Variants in PDE4DIP observed in about 807,000 individuals in gnomAD.
PDE4DIP encodes the protein phosphodiesterase 4D interacting protein, also known as myomegalin.
Under a neutral mutation model 221.4 loss-of-function variants are expected in PDE4DIP, and 59 were observed. The ratio of observed to expected loss-of-function variants is 0.27; its 90% CI spans 0.22 to 0.33. The LOEUF (loss-of-function observed/expected upper bound fraction) is 0.33. Ranked by LOEUF, PDE4DIP falls within the 10% of genes least tolerant of loss-of-function variation. PDE4DIP has a pLI of 1.00. For missense variants in PDE4DIP, 1,036 were observed against 2,154.2 expected (o/e 0.48, Z 10.28); for synonymous variants, 404 against 815.9 (o/e 0.50, Z 8.60).
chr1:148,960,246 A>C (rs6674914), intron 5 of PDE4DIP, among the ~76,000 whole-genome samples: 715 of 151,828 alleles, frequency 4.7e-3, no homozygotes, highest in African/African-American at 0.016. Flanking sequence ...AGGTAGCCGG[A>C]ATGTAACTTC....
exon 14 of PDE4DIP, chr1:148,968,991 C>T (rs1553521700): frequency 1.9e-6 from 3 of 1,608,316 alleles, no homozygotes; most frequent in Non-Finnish European, 2.6e-6. Flanking sequence ...AGATTCAAGG[C>T]CTGCTTCAGT....
chr1:149,029,685 T>C, intron 41 of PDE4DIP, 102 bp from the exon 45 acceptor site: 1 of 763,808 alleles, frequency 1.3e-6, no homozygotes, highest in Non-Finnish European at 2.2e-6. Flanking sequence ...TCAAGAGAGT[T>C]GAGAAGACTG....
chr1:148,919,968 C>CAAT (rs2045148118), intron 1 of PDE4DIP, among the ~76,000 whole-genome samples: 1 of 134,124 alleles, frequency 7.5e-6, no homozygotes, highest in African/African-American at 3.1e-5. Context: ...CTTAACACAA[C>CAAT]TCTGATTACA....
rs1477252391 is a variant in PDE4DIP, at chr1:149,029,784, C to T, written c.6814-3C>T. On this transcript the variant is annotated splice_region_variant and splice_polypyrimidine_tract_variant and intron_variant, in intron 41 of 43. Coordinates refer to ENST00000369354, the Ensembl canonical transcript of PDE4DIP. Reference sequence around the variant, plus strand: ...TCAGTAAGAGTCTGTTCCTCTTATCCAGGGAGAATCAACAGAAAGGGAACT... The same window carrying T: ...TCAGTAAGAGTCTGTTCCTCTTATCTAGGGAGAATCAACAGAAAGGGAACT... 2.7e-6 allele frequency: 4 copies of T among 1,461,242 alleles called. No individual in the cohort carries two copies. Among genetic ancestry groups the T allele is most frequent in the Non-Finnish European group, 3.8e-6 (4 of 1,047,568 alleles). 90.5% of individuals were successfully genotyped at this position (1,461,242 alleles called of 1,614,324 possible). A position where few individuals can be genotyped will look rare whatever the true frequency, so the allele number is the denominator to read the frequency against.
intron 37 of PDE4DIP, among the ~76,000 whole-genome samples, chr1:149,023,911 G>A (rs2074196700): frequency 6.7e-6 from 1 of 148,970 alleles, no homozygotes; most frequent in Non-Finnish European, 1.5e-5. Flanking sequence ...GTATATATAT[G>A]TACACACACA....
At position 148,864,370 on chromosome 1, in the gene PDE4DIP, T is replaced by C. The variant is rs587759832; in HGVS notation, c.289+1065T>C. Among the ~76,000 whole-genome samples the C allele has an allele frequency of 5.2e-4, 74 of 141,372 alleles. 5 individuals carry two copies. Among genetic ancestry groups the C allele is most frequent in the African/African-American group, 1.5e-3 (58 of 37,730 alleles). The allele number at this position is 141,372 out of a possible 152,430, so 92.7% of individuals were successfully genotyped here. A position where few individuals can be genotyped will look rare whatever the true frequency, so the allele number is the denominator to read the frequency against. On this transcript the variant is annotated intron_variant, in intron 2 of 45. Transcript: ENST00000524974. ...CAAGGAATAAGCACTCTGTATCTTA[T>C]CTATTGTTACTATTAATGTATTCCT...
intron 1 of PDE4DIP, among the ~76,000 whole-genome samples, chr1:148,821,162 G>C (rs1553360527): frequency 6.8e-6 from 1 of 148,106 alleles, no homozygotes; most frequent in Non-Finnish European, 1.5e-5. Context: ...CATAAGAGTA[G>C]CAAAAAGTGG....
chr1:148,919,469 A>G (rs1299837457), intron 1 of PDE4DIP, among the ~76,000 whole-genome samples: 2 of 151,236 alleles, frequency 1.3e-5, no homozygotes, highest in African/African-American at 2.5e-5. Context: ...AACTACTAAA[A>G]TGTATTTCTG....
intron 1 of PDE4DIP, among the ~76,000 whole-genome samples, chr1:148,924,526 T>TG (rs1275870791): frequency 4.6e-5 from 7 of 151,474 alleles, no homozygotes; most frequent in African/African-American, 1.7e-4. Flanking sequence ...ACCAGAGCTA[T>TG]GCTTTAGGAA....
intron 5 of PDE4DIP, chr1:148,951,986 C>A (rs2151274386): frequency 1.1e-6 from 1 of 928,744 alleles, no homozygotes; most frequent in East Asian, 8.0e-5. Context: ...TGGCGGGAAG[C>A]GGGGGCGGCG....
chr1:148,979,968 A>C (rs1395411046), intron 20 of PDE4DIP, 119 bp downstream of exon 23: 1 of 1,315,650 alleles, frequency 7.6e-7, no homozygotes, highest in Non-Finnish European at 1.0e-6. Context: ...AAGAGGGGAG[A>C]AAAAAGAGGG....
At chr1:149,016,654 C>G in intron 33 of PDE4DIP, 104 bp downstream of exon 36, 2 of 508,218 alleles carry the variant, frequency 3.9e-6, no homozygotes, top group Middle Eastern at 1.0e-3. Flanking sequence ...CCATCCCTGG[C>G]TCACAGAGTG....
exon 13 of PDE4DIP, chr1:148,967,891 A>G: frequency 1.1e-6 from 1 of 887,460 alleles, no homozygotes; most frequent in Non-Finnish European, 1.8e-6. Context: ...TCATGATAGG[A>G]ACAAAGAAGT....
chr1:148,960,398 G>A (rs1421019430), intron 5 of PDE4DIP, among the ~76,000 whole-genome samples: 2 of 139,600 alleles, frequency 1.4e-5, no homozygotes, highest in Non-Finnish European at 3.1e-5. Context: ...TGCTTTCGCT[G>A]AATAAACATG....
intron 20 of PDE4DIP, 127 bp downstream of exon 23, chr1:148,979,976 G>T: frequency 1.6e-6 from 2 of 1,267,994 alleles, no homozygotes; most frequent in Non-Finnish European, 2.2e-6. Context: ...AGAAAAAAGA[G>T]GGACAATTAC....
intron 43 of PDE4DIP, chr1:149,031,307 T>G (rs1429716686): frequency 1.3e-5 from 2 of 154,714 alleles, no homozygotes; most frequent in African/African-American, 4.9e-5. Flanking sequence ...TGTGGAAGCT[T>G]TCCCCTCCAC....
chr1:148,964,265 C>T (rs3002692), intron 9 of PDE4DIP, among the ~76,000 whole-genome samples: 1 of 151,982 alleles, frequency 6.6e-6, no homozygotes, highest in Non-Finnish European at 1.5e-5. Flanking sequence ...TGCGCCACCA[C>T]GCCTGGCTAA....
chr1:148,933,804 C>G (rs1222372311), intron 4 of PDE4DIP, among the ~76,000 whole-genome samples: 1 of 151,818 alleles, frequency 6.6e-6, no homozygotes, highest in East Asian at 1.9e-4. Flanking sequence ...ATGATGTAAC[C>G]TCTGATTTCT....
chr1:148,934,210 GTT>G (rs1558865434), intron 4 of PDE4DIP, among the ~76,000 whole-genome samples: 1 of 151,900 alleles, frequency 6.6e-6, no homozygotes, highest in African/African-American at 2.4e-5. Context: ...TTTCTGTATT[GTT>G]TCTTTTATAT....
Sources: allele counts gnomAD v4.1 joint callset (sites outside exome capture counted in the v4.1 genomes callset), GRCh38; gene constraint gnomAD v4.1.1; transcripts MANE v1.5; gene names NCBI Gene and HGNC (gene_info 2026-07-23, HGNC 2026-07-21).